TRPS1: variants seen among roughly 807,000 people sequenced by gnomAD.
TRPS1 encodes transcriptional repressor GATA binding 1.
A neutral mutation model predicts 101.2 loss-of-function variants in TRPS1; 6 were observed. The ratio of observed to expected loss-of-function variants is 0.06; its 90% confidence interval spans 0.03 to 0.12. TRPS1 has a LOEUF of 0.12. TRPS1 is among the 10% of genes least tolerant of loss of function. The probability of loss-of-function intolerance (pLI) is 1.00; values close to 1 mark genes in which losing one functional copy is unlikely to be tolerated. For missense variants in TRPS1, 1,363 were observed against 1,567.0 expected, an observed-to-expected ratio of 0.87 and a Z score of 2.20; for synonymous variants, 578 against 589.8, an observed-to-expected ratio of 0.98 and a Z score of 0.29.
At chr8:115,628,319 A>C (rs1818555131) in intron 1 of TRPS1, among the ~76,000 whole-genome samples, 1 of 151,802 alleles carries the variant, frequency 6.6e-6, no homozygotes, top group Non-Finnish European at 1.5e-5. Flanking sequence ...TCACGCAACA[A>C]AAGGGATTTA....
At chr8:115,432,220 TC>T (rs33968326) in intron 5 of TRPS1, among the ~76,000 whole-genome samples, 151,738 of 151,740 alleles carry the variant, frequency 1, 75,868 homozygotes, top group Non-Finnish European at 1. Flanking sequence ...CAATGACACT[TC>T]AAGGACCCAG....
intron 5 of TRPS1, among the ~76,000 whole-genome samples, chr8:115,516,597 G>A (rs972021407): frequency 5.3e-5 from 8 of 151,462 alleles, no homozygotes; most frequent in East Asian, 1.9e-4. Flanking sequence ...AAGTTTAACC[G>A]TTGCTTAATA....
intron 5 of TRPS1, among the ~76,000 whole-genome samples, chr8:115,449,449 C>T (rs142728018): frequency 6.6e-6 from 1 of 152,274 alleles, no homozygotes; most frequent in African/African-American, 2.4e-5. Flanking sequence ...CCCTGAAGGC[C>T]AATATTTACT....
chr8:115,667,379 C>A (rs1324586338), intron 1 of TRPS1, among the ~76,000 whole-genome samples: 2 of 152,202 alleles, frequency 1.3e-5, no homozygotes, highest in Non-Finnish European at 2.9e-5. Flanking sequence ...GTCCTATAAT[C>A]CTGGAGTTAT....
chr8:115,423,070 T>C (rs1247274349), intron 5 of TRPS1, among the ~76,000 whole-genome samples: 1 of 152,172 alleles, frequency 6.6e-6, no homozygotes, highest in Non-Finnish European at 1.5e-5. Flanking sequence ...TGAACTTCTC[T>C]AAGTTCACCT....
At chr8:115,568,079 G>A (rs1817111386) in intron 5 of TRPS1, among the ~76,000 whole-genome samples, 1 of 152,028 alleles carries the variant, frequency 6.6e-6, no homozygotes, top group South Asian at 2.1e-4. Flanking sequence ...GATTAACTGA[G>A]ATGATGACTG....
intron 5 of TRPS1, among the ~76,000 whole-genome samples, chr8:115,554,617 C>T (rs900340549): frequency 3.3e-5 from 5 of 152,084 alleles, no homozygotes; most frequent in African/African-American, 4.8e-5. Flanking sequence ...AGGATTGCAC[C>T]GCAGTTTTCG....
chr8:115,638,271 C>T (rs1439371511), intron 1 of TRPS1, among the ~76,000 whole-genome samples: 2 of 151,554 alleles, frequency 1.3e-5, no homozygotes, highest in Non-Finnish European at 2.9e-5. Flanking sequence ...ACTTGCCATC[C>T]AGACAGAGTT....
intron 5 of TRPS1, among the ~76,000 whole-genome samples, chr8:115,529,742 C>A (rs964035667): frequency 6.6e-6 from 1 of 152,056 alleles, no homozygotes; most frequent in African/African-American, 2.4e-5. Flanking sequence ...GCCAACAATG[C>A]CCACTATATT....
At chr8:115,655,147 T>G (rs1811649874) in intron 1 of TRPS1, among the ~76,000 whole-genome samples, 1 of 152,148 alleles carries the variant, frequency 6.6e-6, no homozygotes, top group African/African-American at 2.4e-5. Flanking sequence ...GGATAGTAGC[T>G]CAAGTCCGTT....
rs1193829313 is a variant in TRPS1, at chr8:115,642,882, T to TTA, written c.-121-19126_-121-19125dup. ...TATATATAAATATATATATTTAACG[T>TTA]TATATATATATAACACCTCGGAGAT... On this transcript the variant is annotated intron_variant, in intron 1 of 6. Coordinates refer to ENST00000395715, the MANE Select transcript of TRPS1 (RefSeq NM_014112.5). Among the ~76,000 whole-genome samples the TTA allele has an allele frequency of 6.1e-5, 9 of 147,614 alleles. No homozygotes were observed. In the South Asian group the frequency reaches 6.4e-4, roughly 10 times the overall value.
chr8:115,548,414 C>T lies in TRPS1; in HGVS notation c.2700+38587G>A, dbSNP rs1343375025. Among the ~76,000 whole-genome samples the T allele has an allele frequency of 5.3e-5, 8 of 151,988 alleles. No homozygotes were observed. The East Asian group carries it at 1.4e-3, about 26-fold the overall frequency. On this transcript the variant is annotated intron_variant, in intron 5 of 6. Transcript: ENST00000395715. ...GTGTAGTGGTGCAATCCCAGCTCAC[C>T]GCAACCTCTGCCTCCCAGGTTCAAG...
chr8:115,457,726 G>A (rs1046857431), intron 5 of TRPS1, among the ~76,000 whole-genome samples: 8 of 152,166 alleles, frequency 5.3e-5, no homozygotes, highest in Non-Finnish European at 1.0e-4. Flanking sequence ...ACTAACGCTG[G>A]ACCCAATTCA....
At chr8:115,646,571 A>G (rs1036194967) in intron 1 of TRPS1, among the ~76,000 whole-genome samples, 2 of 152,174 alleles carry the variant, frequency 1.3e-5, no homozygotes, top group Non-Finnish European at 2.9e-5. Flanking sequence ...AACTGAAGTA[A>G]TAAGTATGCC....
At chr8:115,546,409 A>T (rs1473127281) in intron 5 of TRPS1, among the ~76,000 whole-genome samples, 1 of 152,110 alleles carries the variant, frequency 6.6e-6, no homozygotes, top group African/African-American at 2.4e-5. Context: ...GATACCTGGG[A>T]TACTATTTGT....
In TRPS1 at chr8:115,621,902, G is replaced by A. The variant is rs573217988; in HGVS notation, c.37+1699C>T. ...TTGCACTCCAGCCTGGGCGACAAGA[G>A]TGAAACTCCATCTCAAAAAAAAAAA... On this transcript the variant is annotated intron_variant, in intron 2 of 6. Transcript: ENST00000395715. Among the ~76,000 whole-genome samples the A allele has an allele frequency of 4.7e-5, 7 of 150,280 alleles. No homozygotes were observed. In the South Asian group the frequency reaches 1.5e-3, roughly 31 times the overall value.
chr8:115,471,303 CT>C (rs1000447898), intron 5 of TRPS1, among the ~76,000 whole-genome samples: 9 of 152,108 alleles, frequency 5.9e-5, no homozygotes, highest in African/African-American at 2.2e-4. Flanking sequence ...CGAACATATC[CT>C]TCTTCACATG....
chr8:115,513,424 C>T (rs1815631769), intron 5 of TRPS1, among the ~76,000 whole-genome samples: 1 of 151,596 alleles, frequency 6.6e-6, no homozygotes, highest in Non-Finnish European at 1.5e-5. Flanking sequence ...GGTGCTCATA[C>T]CTTAGGCTTC....
chr8:115,498,401 CTCTCTCTCTCTCTCTATA>C (rs1815209290), intron 5 of TRPS1, among the ~76,000 whole-genome samples: 2 of 85,434 alleles, frequency 2.3e-5, no homozygotes, highest in Non-Finnish European at 4.4e-5. Flanking sequence ...CTCTCTCTCT[CTCTCTCTCTCTCTCTATA>C]TATATATATA....
Sources: allele counts gnomAD v4.1 joint callset (sites outside exome capture counted in the v4.1 genomes callset), GRCh38; gene constraint gnomAD v4.1.1; transcripts MANE v1.5; gene names NCBI Gene and HGNC (gene_info 2026-07-23, HGNC 2026-07-21).